PIWIL4: variants seen among roughly 807,000 people sequenced by gnomAD.
The protein encoded by PIWIL4 is piwi like RNA-mediated gene silencing 4, also known as piwi-like protein 4.
Under a neutral mutation model 100.9 loss-of-function variants are expected in PIWIL4, and 50 were observed. The ratio of observed to expected loss-of-function variants is 0.50; its 90% CI spans 0.39 to 0.63. The LOEUF is 0.63. PIWIL4 is among the 20% of genes least tolerant of loss of function. The pLI is 0.00. For synonymous variants in PIWIL4, 342 were observed against 367.5 expected (o/e 0.93, Z 0.79); for missense variants, 887 against 1,043.3 (o/e 0.85, Z 2.06).
intron 11 of PIWIL4, among the ~76,000 whole-genome samples, chr11:94,600,051 T>A (rs958437011): frequency 7.9e-5 from 12 of 152,178 alleles, no homozygotes; most frequent in African/African-American, 2.9e-4. Flanking sequence ...ACAGTGGATC[T>A]TCCCCACTTG....
At chr11:94,615,388 C>T (rs1565284639) in intron 15 of PIWIL4, among the ~76,000 whole-genome samples, 1 of 152,174 alleles carries the variant, frequency 6.6e-6, no homozygotes, top group African/African-American at 2.4e-5. Context: ...AAGTGAATCT[C>T]TTTGTGTTAC....
Position 94,583,573 on chromosome 11 carries a change from A to AG in PIWIL4, c.635+6dup. The AG allele has an allele frequency of 1.2e-6, 2 of 1,613,836 alleles. No homozygotes were observed. Among genetic ancestry groups the AG allele is most frequent in the Non-Finnish European group, 1.7e-6 (2 of 1,179,772 alleles). The stretch of plus-strand genomic sequence containing the variant: ...TCTTCAATATCATCTTCAGAAAGTA[A>AG]GGCACTGGAAATGTGAATTTAATTT... On this transcript the variant is annotated splice_donor_region_variant and intron_variant, in intron 5 of 19. Transcript: ENST00000299001.
chr11:94,585,468 A>T lies in PIWIL4; in HGVS notation c.659A>T (p.Tyr220Phe), dbSNP rs771216773. The T allele has an allele frequency of 1.6e-5, 26 of 1,610,332 alleles. No homozygotes were observed. The highest frequency in any genetic ancestry group is 2.0e-5 in the Non-Finnish European group (23 of 1,178,932). The stretch of plus-strand genomic sequence containing the variant: ...AGGATCCTCAAAAAGTTGTCCATGT[A>T]CCAAATTGGACGGAACTTCTATAAT... ...FRKILKKLSM[Y>F]QIGRNFYNPS... Residue 220 changes from tyrosine to phenylalanine, a missense_variant, in exon 6 of 20, where the codon TAC becomes TTC. Tyr to Phe is a conservative substitution (Grantham distance 22). This residue lies in a region of PIWIL4 where 741 missense variants were observed against 930.0 expected (regional missense o/e 0.80). Coordinates refer to ENST00000299001, the MANE Select transcript of PIWIL4 (RefSeq NM_152431.3).
At chr11:94,618,559 T>C (rs1021233825) in intron 17 of PIWIL4, among the ~76,000 whole-genome samples, 1 of 152,126 alleles carries the variant, frequency 6.6e-6, no homozygotes, top group Non-Finnish European at 1.5e-5. Context: ...AGGGTTTGAG[T>C]GCCATGAAAG....
intron 5 of PIWIL4, among the ~76,000 whole-genome samples, chr11:94,584,458 A>G (rs891400243): frequency 2.6e-5 from 4 of 152,210 alleles, no homozygotes; most frequent in African/African-American, 4.8e-5. Flanking sequence ...AGCTTACTGC[A>G]TATCAGCTCT....
intron 3 of PIWIL4, among the ~76,000 whole-genome samples, chr11:94,575,857 T>G (rs145557766): frequency 6.6e-6 from 1 of 152,242 alleles, no homozygotes; most frequent in African/African-American, 2.4e-5. Context: ...TCTTGAAGGG[T>G]CTTTCCGGCT....
Position 94,616,460 on chromosome 11 carries a change from G to T in PIWIL4, c.1944-33G>T, listed in dbSNP as rs1948848284. 8 of 1,516,756 alleles carry T rather than the reference G, an allele frequency of 5.3e-6. No homozygotes were observed. The East Asian group carries it at 1.8e-4, about 35-fold the overall frequency. 94.0% of individuals were successfully genotyped at this position (1,516,756 alleles called of 1,614,324 possible). A position where few individuals can be genotyped will look rare whatever the true frequency, so the allele number is the denominator to read the frequency against. On this transcript the variant is annotated intron_variant, in intron 15 of 19. Coordinates refer to ENST00000299001, the MANE Select transcript of PIWIL4 (RefSeq NM_152431.3). ...TATTTATGGTAGAAAAATTGAAGTT[G>T]AATTTTACTTTTATTTTTTTTTTTA...
At chr11:94,587,270 A>AG in intron 7 of PIWIL4, 23 bp downstream of exon 7, 1 of 1,592,342 alleles carries the variant, frequency 6.3e-7, no homozygotes, top group Non-Finnish European at 8.6e-7. Context: ...GTCTAAATAA[A>AG]CTTTTCTTCA....
At chr11:94,613,071 A>G (rs537081682) in intron 15 of PIWIL4, among the ~76,000 whole-genome samples, 5 of 152,110 alleles carry the variant, frequency 3.3e-5, no homozygotes, top group Non-Finnish European at 5.9e-5. Flanking sequence ...TTATGCTTTT[A>G]TATGTTTTTA....
chr11:94,585,563 TATA>T (rs1948387652), intron 6 of PIWIL4, 38 bp downstream of exon 6: 11 of 1,460,816 alleles, frequency 7.5e-6, no homozygotes, highest in African/African-American at 1.4e-5. Flanking sequence ...CCGAAATTAT[TATA>T]ATGTGAGCAA....
At chr11:94,574,122 C>T (rs560976464) in intron 2 of PIWIL4, among the ~76,000 whole-genome samples, 7 of 152,272 alleles carry the variant, frequency 4.6e-5, no homozygotes, top group Admixed American at 6.5e-5. Flanking sequence ...CAGCATCCCC[C>T]GTACTAATTT....
At chr11:94,594,962 G>A (rs1948537755) in intron 9 of PIWIL4, among the ~76,000 whole-genome samples, 1 of 152,124 alleles carries the variant, frequency 6.6e-6, no homozygotes, top group Admixed American at 6.5e-5. Flanking sequence ...GAGGAGGTGT[G>A]CTTTAGGTGT....
At chr11:94,617,813 AAT>A (rs1948862420) in intron 16 of PIWIL4, 139 bp from the exon 17 acceptor site, 1 of 828,320 alleles carries the variant, frequency 1.2e-6, no homozygotes, top group Admixed American at 2.3e-5. Context: ...TATTCTTGCA[AAT>A]ATAACCCAAA....
At chr11:94,567,626 G>A (rs1435585598) in intron 1 of PIWIL4, 21 bp downstream of exon 1, 11 of 1,566,782 alleles carry the variant, frequency 7.0e-6, no homozygotes, top group South Asian at 4.7e-5. Flanking sequence ...TGCTTATTGC[G>A]CATGGTTTCG....
chr11:94,578,303 G>T lies in PIWIL4; in HGVS notation c.513+811G>T, dbSNP rs565573329. Among the ~76,000 whole-genome samples, 15 of 152,210 alleles carry T rather than the reference G, an allele frequency of 9.9e-5. 1 individual carries two copies. The South Asian group carries it at 2.9e-3, about 30-fold the overall frequency. ...GACGGCTCTGCTCTTATCTGCAGCC[G>T]ATCTGAATGCAATGAATTTGGCAAG... On this transcript the variant is annotated intron_variant, in intron 4 of 19. Coordinates refer to ENST00000299001, the MANE Select transcript of PIWIL4 (RefSeq NM_152431.3).
At chr11:94,601,696 A>T in intron 11 of PIWIL4, 99 bp from the exon 12 acceptor site, 1 of 1,146,308 alleles carries the variant, frequency 8.7e-7, no homozygotes, top group Non-Finnish European at 1.3e-6. Context: ...AAACTGTGTT[A>T]AACAGTTATA....
At chr11:94,587,025 CT>C (rs762643679) in intron 6 of PIWIL4, 24 bp from the exon 7 acceptor site, 10 of 1,554,032 alleles carry the variant, frequency 6.4e-6, no homozygotes, top group African/African-American at 1.4e-5. Context: ...GACAATATTC[CT>C]TTTTTTCTTT....
chr11:94,619,171 G>GAGGATGT (rs1948878351), intron 17 of PIWIL4, among the ~76,000 whole-genome samples: 1 of 151,606 alleles, frequency 6.6e-6, no homozygotes, highest in Non-Finnish European at 1.5e-5. Flanking sequence ...TTACATCCCA[G>GAGGATGT]AGGATGTAAG....
At chr11:94,580,372 A>G (rs1361464718) in intron 4 of PIWIL4, among the ~76,000 whole-genome samples, 1 of 152,148 alleles carries the variant, frequency 6.6e-6, no homozygotes, top group East Asian at 1.9e-4. Flanking sequence ...TGCTTATTTA[A>G]GTTGAAACAT....
Sources: allele counts gnomAD v4.1 joint callset (sites outside exome capture counted in the v4.1 genomes callset), GRCh38; gene constraint gnomAD v4.1.1; regional missense constraint gnomAD v4.1.1; transcripts MANE v1.5; gene names NCBI Gene and HGNC (gene_info 2026-07-23, HGNC 2026-07-21).